The following NLRP10 variants were observed in gnomAD, a reference collection of about 807,000 sequenced individuals.
NLRP10 encodes the protein NLR family pyrin domain containing 10.
A neutral mutation model predicts 8.2 loss-of-function variants in NLRP10; 7 were observed. The ratio of observed to expected loss-of-function variants is 0.85; its 90% CI spans 0.48 to 1.60. The LOEUF (loss-of-function observed/expected upper bound fraction) is 1.60, where lower values mean the gene tolerates loss of function less well. Ranked by LOEUF, NLRP10 falls within the 40% of genes most tolerant of loss-of-function variation. NLRP10 has a pLI of 0.00. For synonymous variants in NLRP10, 338 were observed against 314.0 expected (o/e 1.08, Z -0.81); for missense variants, 814 against 776.3 (o/e 1.05, Z -0.58).
chr11:7,961,367 A>C, intron 2 of NLRP10, 45 bp from the exon 3 acceptor site: 1 of 1,352,104 alleles, frequency 7.4e-7, no homozygotes, highest in East Asian at 2.3e-5. Flanking sequence ...TGGGAATTTT[A>C]GAAGGCAAAA....
At chr11:7,961,749 G>A (rs1941735208) in intron 2 of NLRP10, among the ~76,000 whole-genome samples, 1 of 152,188 alleles carries the variant, frequency 6.6e-6, no homozygotes, top group Admixed American at 6.5e-5. Flanking sequence ...GAAGAGGTGA[G>A]GACAGAGAGA....
chr11:7,961,950 G>A (rs1029531321), intron 2 of NLRP10, among the ~76,000 whole-genome samples: 2 of 151,874 alleles, frequency 1.3e-5, no homozygotes, highest in South Asian at 2.1e-4. Flanking sequence ...GGTAATGAAC[G>A]AGTTCTTGCT....
In NLRP10 at chr11:7,960,581, T is replaced by C. The variant is rs1313797331; in HGVS notation, c.1031A>G (p.Asn344Ser). Reference protein sequence around the residue: ...ADRAFDIVQKNDILYKACQVP... With the variant: ...ADRAFDIVQKSDILYKACQVP... Reference sequence around the variant, plus strand: ...CTGACACGCTTTGTAGAGAATGTCATTTTTCTGTACAATGTCGAAGGCACG... The same window carrying C: ...CTGACACGCTTTGTAGAGAATGTCACTTTTCTGTACAATGTCGAAGGCACG... The change falls in exon 3 of 3, where the codon AAT (asparagine) becomes AGT (serine). Residue 344 changes from asparagine (N) to serine (S), a missense_variant. By Grantham distance (46) the Asn-to-Ser change is conservative. Transcript: ENST00000691676. 1 of 1,614,136 alleles carries C rather than the reference T, an allele frequency of 6.2e-7. No individual in the cohort carries two copies. Among genetic ancestry groups the C allele is most frequent in the Non-Finnish European group, 8.5e-7 (1 of 1,179,998 alleles).
At position 7,960,180 on chromosome 11, in the gene NLRP10, A is replaced by G. The variant is rs1185488449; in HGVS notation, c.1432T>C (p.Tyr478His). The G allele has an allele frequency of 2.5e-6, 4 of 1,614,018 alleles. No homozygotes were observed. Among genetic ancestry groups the G allele is most frequent in the South Asian group, 1.1e-5 (1 of 91,076 alleles). Residue 478 changes from tyrosine to histidine, a missense_variant, in exon 3 of 3, where the codon TAC becomes CAC. Tyr to His is a moderately conservative substitution (Grantham distance 83). Transcript: ENST00000691676. ...CGGCTTTGGTCCTCTTTCACCAGGT[A>G]AGACATGGCATGAAAAAAGTCCTGG... Reference protein sequence around the residue: ...SFQDFFHAMSYLVKEDQSRLG... With the variant: ...SFQDFFHAMSHLVKEDQSRLG...
rs115157970 is a variant in NLRP10, at chr11:7,964,890, T to C, written c.-46+356A>G. Among the ~76,000 whole-genome samples the C allele has an allele frequency of 1.0e-2, 1,519 of 152,344 alleles. 27 individuals are homozygous for C. The highest frequency in any genetic ancestry group is 0.035 in the African/African-American group (1,440 of 41,574). ...AAATACACCTGTGACCTAAGGCCCA[T>C]AGGGAACCCATCTCAGTAGTACAAT... On this transcript the variant is annotated intron_variant, in intron 1 of 2. Transcript: ENST00000691676.
chr11:7,960,961 G>T lies in NLRP10; in HGVS notation c.651C>A (p.Ser217Arg). ...SCKEVVLLLESKLEQLLFWCC... is the reference protein window; with the variant it reads ...SCKEVVLLLERKLEQLLFWCC... ...ACCAGAAAAGGAGCTGCTCCAGTTT[G>T]CTCTCCAGCAGCAGGACCACTTCTT... The change falls in exon 3 of 3, where the codon AGC becomes AGA. Residue 217 changes from serine to arginine, a missense_variant. Ser to Arg is a moderately radical substitution (Grantham distance 110). Coordinates refer to ENST00000691676, the MANE Select transcript of NLRP10 (RefSeq NM_001391958.1). The T allele has an allele frequency of 6.2e-7, 1 of 1,614,152 alleles. No homozygotes were observed. Among genetic ancestry groups the T allele is most frequent in the Non-Finnish European group, 8.5e-7 (1 of 1,180,006 alleles).
rs1941715163 is a variant in NLRP10, at chr11:7,961,027, C to G, written c.585G>C (p.Leu195=). 2 of 1,614,214 alleles carry G rather than the reference C, an allele frequency of 1.2e-6. No individual in the cohort carries two copies. The highest frequency in any genetic ancestry group is 1.7e-6 in the Non-Finnish European group (2 of 1,180,036). ...KMVLDWATGT[L]YPGRFDYVFY... is the part of the protein sequence containing the mutation. ...AGACATAATCAAACCGGCCTGGGTA[C>G]AGAGTACCGGTGGCCCAGTCCAACA... Residue 195 remains leucine, a synonymous_variant, in exon 3 of 3, where the codon CTG becomes CTC. Transcript: ENST00000691676.
At chr11:7,962,270 C>G (rs1266205486) in intron 2 of NLRP10, among the ~76,000 whole-genome samples, 1 of 82,818 alleles carries the variant, frequency 1.2e-5, no homozygotes, top group African/African-American at 4.5e-5. Flanking sequence ...GAGTTTCGCT[C>G]TGTCGCCCAG....
At chr11:7,965,046 G>A (rs1346042775) in intron 1 of NLRP10, among the ~76,000 whole-genome samples, 200 bp downstream of exon 1, 2 of 152,244 alleles carry the variant, frequency 1.3e-5, no homozygotes, top group African/African-American at 4.8e-5. Context: ...GGATACAGGG[G>A]ACTTTGGTTG....
At chr11:7,963,930 AT>A (rs1232869200) in intron 1 of NLRP10, among the ~76,000 whole-genome samples, 1 of 151,208 alleles carries the variant, frequency 6.6e-6, no homozygotes, top group Non-Finnish European at 1.5e-5. Flanking sequence ...TTTTTATTTT[AT>A]TTTTTTTGGA....
In NLRP10 at chr11:7,960,426, C is replaced by T. The variant is rs1332579904; in HGVS notation, c.1186G>A (p.Asp396Asn). The change falls in exon 3 of 3, where the codon GAT (aspartate) becomes AAT (asparagine). Residue 396 changes from aspartate to asparagine, a missense_variant. Asp to Asn is a conservative substitution (Grantham distance 23). Transcript: ENST00000691676. ...MAYVSTFLPPDDDGGCSELSR... is the reference protein window; with the variant it reads ...MAYVSTFLPPNDDGGCSELSR... ...AGCTCGGAGCAGCCCCCATCATCAT[C>T]GGGCGGCAGAAAGGTGGAGACGTAA... 5 of 1,614,008 alleles carry T rather than the reference C, an allele frequency of 3.1e-6. No homozygotes were observed. Among genetic ancestry groups the T allele is most frequent in the Middle Eastern group, 1.6e-4 (1 of 6,062 alleles).
intron 1 of NLRP10, among the ~76,000 whole-genome samples, chr11:7,963,941 A>G (rs1302873225): frequency 6.6e-6 from 1 of 151,812 alleles, no homozygotes; most frequent in Non-Finnish European, 1.5e-5. Flanking sequence ...TTTTTTTTGG[A>G]GACAGAGTCT....
rs780994065 is a variant in NLRP10, at chr11:7,960,556, C to T, written c.1056G>A (p.Gln352=). ...QKNDILYKAC[Q]VPGICWVVCS... ...AGACCACCCAGCAAATGCCTGGAAC[C>T]TGACACGCTTTGTAGAGAATGTCAT... Residue 352 remains glutamine, a synonymous_variant, in exon 3 of 3, where the codon CAG becomes CAA. Transcript: ENST00000691676. 1.9e-6 allele frequency: 3 copies of T among 1,614,094 alleles called. No individual in the cohort carries two copies. The highest frequency in any genetic ancestry group is 2.5e-6 in the Non-Finnish European group (3 of 1,180,054).
At position 7,960,462 on chromosome 11, in the gene NLRP10, T is replaced by A. The variant is rs138761418; in HGVS notation, c.1150A>T (p.Ile384Phe). Reference sequence around the variant, plus strand: ...AAGGTGGAGACGTAAGCCATGAAGATGTCAGTGCTGTTTCTAGGTGTCTCT... The same window carrying A: ...AAGGTGGAGACGTAAGCCATGAAGAAGTCAGTGCTGTTTCTAGGTGTCTCT... Reference protein sequence around the residue: ...VLETPRNSTDIFMAYVSTFLP... With the variant: ...VLETPRNSTDFFMAYVSTFLP... The change falls in exon 3 of 3, where the codon ATC becomes TTC. Residue 384 changes from isoleucine to phenylalanine, a missense_variant. Transcript: ENST00000691676. The A allele has an allele frequency of 6.2e-7, 1 of 1,614,148 alleles. No individual in the cohort carries two copies. The highest frequency in any genetic ancestry group is 8.5e-7 in the Non-Finnish European group (1 of 1,180,036).
rs377096751 is a variant in NLRP10 at position 7,960,736 on chromosome 11, G to A, written c.876C>T (p.Thr292=). Residue 292 remains threonine, a synonymous_variant, in exon 3 of 3, where the codon ACC becomes ACT. Coordinates refer to ENST00000691676, the MANE Select transcript of NLRP10 (RefSeq NM_001391958.1). ...TLPTCSLLIT[T]RPLALRNLEP... ...CCAGATTCCTCAAAGCCAGGGGCCG[G>A]GTGGTGATGAGAAGGGAGCACGTGG... 390 of 1,614,164 alleles carry A rather than the reference G, an allele frequency of 2.4e-4. 4 individuals are homozygous for A. In the South Asian group the frequency reaches 4.1e-3, roughly 17 times the overall value.
chr11:7,959,548 A>G lies in NLRP10; in HGVS notation c.*96T>C. 1 of 648,232 alleles carries G rather than the reference A, an allele frequency of 1.5e-6. No individual in the cohort carries two copies. Among genetic ancestry groups the G allele is most frequent in the Non-Finnish European group, 2.6e-6 (1 of 387,830 alleles). The allele number at this position is 648,232 out of a possible 1,614,324, so 40.2% of individuals were successfully genotyped here. On this transcript the variant is annotated 3_prime_UTR_variant, in exon 3 of 3. Coordinates refer to ENST00000691676, the MANE Select transcript of NLRP10 (RefSeq NM_001391958.1). Reference sequence around the variant, plus strand: ...ATATTGAGTCTTTCTATTCATGAACATGGAAAATCTTCCCATTCATTTACA... The same window carrying G: ...ATATTGAGTCTTTCTATTCATGAACGTGGAAAATCTTCCCATTCATTTACA...
intron 2 of NLRP10, among the ~76,000 whole-genome samples, chr11:7,962,636 C>T (rs974375571): frequency 3.3e-5 from 5 of 152,060 alleles, no homozygotes; most frequent in African/African-American, 1.2e-4. Flanking sequence ...CCCATTTGTA[C>T]GTAGCAGAGG....
rs375730129 is a variant in NLRP10 at position 7,963,367 on chromosome 11, T to A, written c.129A>T (p.Pro43=). The part of the protein sequence containing the change: ...RDMTLSEGQP[P]LARGELEGLI... The stretch of plus-strand genomic sequence containing the variant: ...GGCCCTCCAACTCCCCTCTGGCCAG[T>A]GGGGGCTGGCCCTCAGACAGGGTCA... Residue 43 remains proline, a synonymous_variant, in exon 2 of 3, where the codon CCA becomes CCT. Transcript: ENST00000691676. 1 of 1,613,698 alleles carries A rather than the reference T, an allele frequency of 6.2e-7. No individual in the cohort carries two copies. The highest frequency in any genetic ancestry group is 8.5e-7 in the Non-Finnish European group (1 of 1,179,604).
rs372793632 is a variant in NLRP10, at chr11:7,963,891, C to T, written c.-45-351G>A. Among the ~76,000 whole-genome samples, 279 of 151,296 alleles carry T rather than the reference C, an allele frequency of 1.8e-3. 1 individual carries two copies. Among genetic ancestry groups the T allele is most frequent in the South Asian group, 0.014 (68 of 4,776 alleles). ...ATTAGGCTCTGTATGCCTCCTTAGA[C>T]GGATGGATTAAGAAAAAAAAGTCTA... On this transcript the variant is annotated intron_variant, in intron 1 of 2. Transcript: ENST00000691676.
Sources: gnomAD v4.1 joint callset for allele counts (sites outside exome capture counted in the v4.1 genomes callset) on GRCh38, gnomAD v4.1.1 for gene constraint, MANE v1.5 for transcripts, NCBI Gene and HGNC (gene_info 2026-07-23, HGNC 2026-07-21) for gene names.